CRADD: variants seen among roughly 807,000 people sequenced by gnomAD.
CRADD encodes CARD and death domain containing adaptor protein, also known as death domain-containing protein CRADD.
Under a neutral mutation model 15.5 loss-of-function variants are expected in CRADD, and 9 were observed. That is an observed-to-expected ratio of 0.58 (90% CI 0.35 to 1.01). The LOEUF (loss-of-function observed/expected upper bound fraction) is 1.01. Ranked by LOEUF, CRADD falls within the 50% of genes least tolerant of loss-of-function variation. The pLI is 0.02. For synonymous variants in CRADD, 118 were observed against 107.6 expected, an observed-to-expected ratio of 1.10 and a Z score of -0.60; for missense variants, 227 against 250.3, an observed-to-expected ratio of 0.91 and a Z score of 0.63.
downstream of CRADD, among the ~76,000 whole-genome samples, chr12:93,853,461 T>C (rs1035891164): frequency 7.2e-5 from 11 of 152,184 alleles, no homozygotes; most frequent in Non-Finnish European, 1.5e-5. Flanking sequence ...TTTGAAGAGA[T>C]AAAAGGACAC....
chr12:93,721,986 C>T (rs1325449652), intron 2 of CRADD, among the ~76,000 whole-genome samples: 2 of 152,208 alleles, frequency 1.3e-5, no homozygotes, highest in East Asian at 3.8e-4. Context: ...TTTTCCTTCT[C>T]TCAAAAGAAC....
intron 2 of CRADD, among the ~76,000 whole-genome samples, chr12:93,790,045 C>A (rs980849692): frequency 6.6e-6 from 1 of 152,136 alleles, no homozygotes; most frequent in Non-Finnish European, 1.5e-5. Context: ...ACAAGCCTCT[C>A]CTACCCTCTG....
chr12:93,840,971 T>G (rs1203544936), intron 2 of CRADD, among the ~76,000 whole-genome samples: 1 of 152,224 alleles, frequency 6.6e-6, no homozygotes, highest in East Asian at 1.9e-4. Flanking sequence ...AATCAAATGC[T>G]TTTACAATCT....
At chr12:93,764,966 A>G (rs191471792) in intron 2 of CRADD, among the ~76,000 whole-genome samples, 39 of 152,168 alleles carry the variant, frequency 2.6e-4, no homozygotes, top group African/African-American at 9.2e-4. Context: ...TGGAGGAATG[A>G]ACTCGAGATA....
At chr12:93,748,651 G>C (rs1956794955) in intron 2 of CRADD, among the ~76,000 whole-genome samples, 1 of 126,270 alleles carries the variant, frequency 7.9e-6, no homozygotes, top group African/African-American at 2.7e-5. Flanking sequence ...GCATACTGGG[G>C]AAGTGATCTG....
intron 2 of CRADD, among the ~76,000 whole-genome samples, chr12:93,717,752 C>T (rs757969352): frequency 3.9e-5 from 6 of 152,154 alleles, no homozygotes; most frequent in Non-Finnish European, 7.3e-5. Context: ...AACTCCTGAC[C>T]TCAAGTGATC....
At chr12:93,720,146 A>T (rs896025498) in intron 2 of CRADD, among the ~76,000 whole-genome samples, 2 of 152,078 alleles carry the variant, frequency 1.3e-5, no homozygotes, top group African/African-American at 4.8e-5. Context: ...TATTTAGTTC[A>T]AAATATTTTT....
chr12:93,712,531 G>A (rs752918851), intron 2 of CRADD, among the ~76,000 whole-genome samples: 78 of 152,336 alleles, frequency 5.1e-4, no homozygotes, highest in African/African-American at 1.8e-3. Context: ...TAAAGCTTGC[G>A]AAAGTTGAAT....
intron 2 of CRADD, among the ~76,000 whole-genome samples, chr12:93,861,096 A>G (rs1037900587): frequency 1.3e-5 from 2 of 152,170 alleles, no homozygotes; most frequent in Admixed American, 6.5e-5. Flanking sequence ...CGAGGAGTTC[A>G]GAGTCTCTAG....
intron 2 of CRADD, among the ~76,000 whole-genome samples, chr12:93,687,731 G>C (rs752193920): frequency 6.6e-6 from 1 of 152,160 alleles, no homozygotes; most frequent in Non-Finnish European, 1.5e-5. Flanking sequence ...AGGAATCAGG[G>C]TGTAGAGGGA....
chr12:93,842,202 T>C (rs1958056988), intron 2 of CRADD, among the ~76,000 whole-genome samples: 1 of 152,186 alleles, frequency 6.6e-6, no homozygotes, highest in Non-Finnish European at 1.5e-5. Flanking sequence ...ACCTGTAAGG[T>C]GATCACATCA....
At chr12:93,715,674 A>T (rs1956149039) in intron 2 of CRADD, among the ~76,000 whole-genome samples, 1 of 152,232 alleles carries the variant, frequency 6.6e-6, no homozygotes, top group African/African-American at 2.4e-5. Context: ...GCAAATATTT[A>T]GAGCTATATT....
chr12:93,851,689 TA>T (rs1385523328), downstream of CRADD, among the ~76,000 whole-genome samples: 1 of 152,228 alleles, frequency 6.6e-6, no homozygotes, highest in African/African-American at 2.4e-5. Flanking sequence ...TACTAAGCTT[TA>T]AAATGGGATT....
At chr12:93,735,206 C>CTTA (rs1956545086) in intron 2 of CRADD, among the ~76,000 whole-genome samples, 1 of 152,200 alleles carries the variant, frequency 6.6e-6, no homozygotes, top group Non-Finnish European at 1.5e-5. Context: ...AGTTCAAATG[C>CTTA]TTATGGTTTG....
At chr12:93,810,807 A>G (rs1957617574) in intron 2 of CRADD, among the ~76,000 whole-genome samples, 1 of 152,152 alleles carries the variant, frequency 6.6e-6, no homozygotes, top group African/African-American at 2.4e-5. Flanking sequence ...CTGTCTTTCA[A>G]CCTATGCTAT....
chr12:93,836,236 G>A (rs765835065), intron 2 of CRADD: 2 of 152,192 alleles, frequency 1.3e-5, no homozygotes, highest in African/African-American at 2.4e-5. Flanking sequence ...TTAGATTTGG[G>A]GATAGTAGAG....
intron 2 of CRADD, among the ~76,000 whole-genome samples, chr12:93,789,507 T>C (rs940651355): frequency 2.6e-5 from 4 of 152,334 alleles, no homozygotes; most frequent in Admixed American, 2.6e-4. Flanking sequence ...GTATAGACTT[T>C]AGTTTCTGAT....
At chr12:93,823,965 G>C (rs977679148) in intron 2 of CRADD, among the ~76,000 whole-genome samples, 6 of 152,192 alleles carry the variant, frequency 3.9e-5, no homozygotes, top group African/African-American at 1.2e-4. Flanking sequence ...CAGTAAAAAT[G>C]CTGAGTTGTG....
At chr12:93,867,405 T>TTTATATATATATATATATATATATATATA (rs1958379655) in intron 2 of CRADD, among the ~76,000 whole-genome samples, 1 of 102,072 alleles carries the variant, frequency 9.8e-6, no homozygotes. Flanking sequence ...ATATATATAT[T>TTTATATATATATATATATATATATATATA]TTTTAAACTT....
Sources: gnomAD v4.1 joint callset for allele counts (sites outside exome capture counted in the v4.1 genomes callset) on GRCh38, gnomAD v4.1.1 for gene constraint, MANE v1.5 for transcripts, NCBI Gene and HGNC (gene_info 2026-07-23, HGNC 2026-07-21) for gene names.